Variants in ABCC9 observed in about 807,000 individuals in gnomAD.
ABCC9 encodes the protein ATP binding cassette subfamily C member 9, also known as ATP-binding cassette sub-family C member 9.
A neutral mutation model predicts 188.3 loss-of-function variants in ABCC9; 95 were observed. That is an observed-to-expected ratio of 0.50 (90% CI 0.43 to 0.60). The LOEUF (loss-of-function observed/expected upper bound fraction) is 0.60, where lower values mean the gene tolerates loss of function less well. ABCC9 is among the 20% of genes least tolerant of loss of function. ABCC9 has a pLI of 0.00. For synonymous variants in ABCC9, 659 were observed against 652.7 expected, an observed-to-expected ratio of 1.01 and a Z score of -0.15; for missense variants, 1,102 against 1,876.3, an observed-to-expected ratio of 0.59 and a Z score of 7.62.
intron 8 of ABCC9, among the ~76,000 whole-genome samples, chr12:21,912,560 A>G (rs1198290106): frequency 1.3e-5 from 2 of 152,074 alleles, no homozygotes; most frequent in African/African-American, 2.4e-5. Flanking sequence ...AAGAGTTCCT[A>G]TAAAGATTAA....
At chr12:21,917,317 A>G (rs1306960231) in intron 5 of ABCC9, among the ~76,000 whole-genome samples, 2 of 152,188 alleles carry the variant, frequency 1.3e-5, no homozygotes, top group Non-Finnish European at 2.9e-5. Flanking sequence ...GAGTGCGTCC[A>G]TCCTGACCGT....
At position 21,818,524 on chromosome 12, in the gene ABCC9, A is replaced by ATG. The variant is rs1359501615; in HGVS notation, c.3670-274_3670-273insCA. ...TATATATAACTATATAGATATATAT[A>ATG]TATGTGTGTGTGTGTGTGTGTGTGT... is the stretch of plus-strand genomic sequence containing the variant. On this transcript the variant is annotated intron_variant, in intron 31 of 39. Transcript: ENST00000261200. 4.4e-3 allele frequency among the ~76,000 whole-genome samples: 546 copies of ATG among 125,020 alleles called. 8 individuals are homozygous for ATG. The highest frequency in any genetic ancestry group is 0.015 in the African/African-American group (463 of 31,926). 82.0% of individuals were successfully genotyped at this position (125,020 alleles called of 152,430 possible).
chr12:21,848,148 A>C lies in ABCC9; in HGVS notation c.2866+2T>G. On this transcript the variant is annotated splice_donor_variant, in intron 25 of 39. Transcript: ENST00000261200. LOFTEE classifies it high-confidence loss of function. ...GTTCCAGATAAAAGAAAAAAGATCT[A>C]CCTTCGTCTTCGTCCTCCATCTGGG... The C allele has an allele frequency of 6.2e-7, 1 of 1,612,852 alleles. No homozygotes were observed. Among genetic ancestry groups the C allele is most frequent in the Non-Finnish European group, 8.5e-7 (1 of 1,178,998 alleles).
chr12:21,906,318 A>G (rs756994279), intron 11 of ABCC9, 30 bp from the exon 12 acceptor site: 1 of 1,580,808 alleles, frequency 6.3e-7, no homozygotes, highest in Non-Finnish European at 8.6e-7. Flanking sequence ...AAATAATACC[A>G]GCTGCATCCA....
chr12:21,894,243 G>A, intron 13 of ABCC9, 69 bp from the exon 14 acceptor site: 2 of 1,532,626 alleles, frequency 1.3e-6, no homozygotes, highest in South Asian at 1.1e-5. Context: ...TTCAGTCCTA[G>A]AAACCTAACA....
intron 31 of ABCC9, among the ~76,000 whole-genome samples, chr12:21,819,983 T>C (rs1254172257): frequency 6.6e-6 from 1 of 152,204 alleles, no homozygotes; most frequent in Non-Finnish European, 1.5e-5. Flanking sequence ...TTGAATTAAC[T>C]ACATGGATGC....
rs146082404 is a variant in ABCC9 at position 21,824,122 on chromosome 12, G to A, written c.3669+4836C>T. 3.3e-3 allele frequency among the ~76,000 whole-genome samples: 496 copies of A among 152,274 alleles called. 4 individuals are homozygous for A. The highest frequency in any genetic ancestry group is 8.9e-3 in the African/African-American group (369 of 41,552). ...GACTTGGAAAAGAAAAGAAAGCGCT[G>A]TATTTTTTTAAAAACATAAACAATT... On this transcript the variant is annotated intron_variant, in intron 31 of 39. Coordinates refer to ENST00000261200, the MANE Select transcript of ABCC9 (RefSeq NM_020297.4).
At chr12:21,885,039 A>G (rs751181816) in intron 15 of ABCC9, among the ~76,000 whole-genome samples, 3 of 152,196 alleles carry the variant, frequency 2.0e-5, no homozygotes, top group Non-Finnish European at 4.4e-5. Context: ...AAAACTAAGA[A>G]CAGGGTGGGA....
chr12:21,847,464 T>G (rs1248534569), intron 25 of ABCC9, among the ~76,000 whole-genome samples: 1 of 152,140 alleles, frequency 6.6e-6, no homozygotes, highest in Non-Finnish European at 1.5e-5. Context: ...TCTCTGTTTT[T>G]TTTAATTGGT....
At chr12:21,881,136 CTA>C (rs747372396) in intron 16 of ABCC9, among the ~76,000 whole-genome samples, 4 of 151,990 alleles carry the variant, frequency 2.6e-5, no homozygotes, top group Non-Finnish European at 5.9e-5. Flanking sequence ...GAAATGATGA[CTA>C]TAATTGCCAC....
chr12:21,878,199 T>G (rs1208959091), intron 16 of ABCC9, among the ~76,000 whole-genome samples: 1 of 152,172 alleles, frequency 6.6e-6, no homozygotes, highest in Non-Finnish European at 1.5e-5. Context: ...GAATAATTTC[T>G]AATTAAAATA....
At chr12:21,906,372 G>A in intron 11 of ABCC9, 84 bp from the exon 12 acceptor site, 4 of 1,428,816 alleles carry the variant, frequency 2.8e-6, no homozygotes, top group African/African-American at 1.4e-5. Flanking sequence ...AGGGATTGAG[G>A]AGACCTTGAT....
intron 24 of ABCC9, among the ~76,000 whole-genome samples, chr12:21,849,582 A>G (rs969615493): frequency 5.9e-5 from 9 of 152,198 alleles, no homozygotes; most frequent in Admixed American, 3.9e-4. Context: ...AAAAGGTTTA[A>G]GACCTTGGAG....
At position 21,875,716 on chromosome 12, in the gene ABCC9, C is replaced by A. The variant is rs777631521; in HGVS notation, c.2030G>T (p.Gly677Val). The change falls in exon 17 of 40, where the codon GGA becomes GTA. Residue 677 changes from glycine to valine, a missense_variant. This residue lies in a region of ABCC9 where 258 missense variants were observed against 325.6 expected (regional missense o/e 0.79). Transcript: ENST00000261200. ...TEDIAIKVTNGYFSWGSGLAT... is the reference protein window; with the variant it reads ...TEDIAIKVTNVYFSWGSGLAT... ...TAAACCACTGCCCCATGAAAAGTAT[C>A]CATTTGTGACCTACAAAATAAAAAT... 1 of 1,608,886 alleles carries A rather than the reference C, an allele frequency of 6.2e-7. No individual in the cohort carries two copies. The highest frequency in any genetic ancestry group is 1.1e-5 in the South Asian group (1 of 90,950).
At chr12:21,822,593 A>G (rs1172499612) in intron 31 of ABCC9, among the ~76,000 whole-genome samples, 1 of 151,736 alleles carries the variant, frequency 6.6e-6, no homozygotes, top group Non-Finnish European at 1.5e-5. Flanking sequence ...AGGTCAGGAG[A>G]TCGAGACCAT....
chr12:21,915,897 A>G lies in ABCC9; in HGVS notation c.587T>C (p.Phe196Ser). ...AGGCTTTACTTTCTGAGGATTCATG[A>G]AAAATACATATCTCTGTGGCAAGAA... The part of the protein sequence containing the change: ...NVIRVRRYVF[F>S]MNPQKVKPPE... The change falls in exon 7 of 40, where the codon TTC becomes TCC. Residue 196 changes from phenylalanine (F) to serine (S), a missense_variant. Coordinates refer to ENST00000261200, the MANE Select transcript of ABCC9 (RefSeq NM_020297.4). The G allele has an allele frequency of 6.2e-7, 1 of 1,612,502 alleles. No individual in the cohort carries two copies. The highest frequency in any genetic ancestry group is 8.5e-7 in the Non-Finnish European group (1 of 1,178,850).
At chr12:21,929,701 G>A (rs1031814075) in intron 4 of ABCC9, among the ~76,000 whole-genome samples, 1 of 152,096 alleles carries the variant, frequency 6.6e-6, no homozygotes, top group Non-Finnish European at 1.5e-5. Flanking sequence ...AGAATAAGAT[G>A]GGGCAAGAGA....
chr12:21,886,802 T>C (rs556563615), intron 15 of ABCC9, among the ~76,000 whole-genome samples: 2 of 152,196 alleles, frequency 1.3e-5, no homozygotes, highest in African/African-American at 4.8e-5. Context: ...ACCAAATTAA[T>C]TCCTACCTCA....
chr12:21,917,326 G>A (rs1051890728), intron 5 of ABCC9, among the ~76,000 whole-genome samples: 4 of 152,112 alleles, frequency 2.6e-5, no homozygotes, highest in African/African-American at 9.7e-5. Flanking sequence ...CATCCTGACC[G>A]TACATGATAG....
Sources: allele counts gnomAD v4.1 joint callset (sites outside exome capture counted in the v4.1 genomes callset), GRCh38; gene constraint gnomAD v4.1.1; regional missense constraint gnomAD v4.1.1; transcripts MANE v1.5; gene names NCBI Gene and HGNC (gene_info 2026-07-23, HGNC 2026-07-21).